The following COX7B2 variants were observed in gnomAD, a reference collection of about 807,000 sequenced individuals.
COX7B2 encodes cytochrome c oxidase subunit 7B2, mitochondrial.
For synonymous variants in COX7B2, 37 were observed against 32.1 expected (o/e 1.15, Z -0.51); for missense variants, 109 against 95.9 (o/e 1.14, Z -0.57).
intron 2 of COX7B2, among the ~76,000 whole-genome samples, chr4:46,769,549 T>C (rs970814263): frequency 1.3e-5 from 2 of 152,038 alleles, no homozygotes; most frequent in Non-Finnish European, 2.9e-5. Context: ...ACCCCGTCTC[T>C]ACTAAAAGTA....
chr4:46,788,393 T>A (rs979349964), intron 2 of COX7B2, among the ~76,000 whole-genome samples: 5 of 152,210 alleles, frequency 3.3e-5, no homozygotes, highest in African/African-American at 9.6e-5. Context: ...GATGACAATG[T>A]GTTCTTGAAA....
intron 2 of COX7B2, among the ~76,000 whole-genome samples, chr4:46,767,307 G>T (rs2109501375): frequency 6.6e-6 from 1 of 152,234 alleles, no homozygotes; most frequent in African/African-American, 2.4e-5. Context: ...TTCATCAGGA[G>T]AATTAACAAT....
At chr4:46,867,002 T>G (rs7671150) in intron 1 of COX7B2, among the ~76,000 whole-genome samples, 58,666 of 151,926 alleles carry the variant, frequency 0.39, 11,437 homozygotes, top group South Asian at 0.49. Flanking sequence ...TTACCTTTCA[T>G]ACAACCTTTA....
intron 2 of COX7B2, among the ~76,000 whole-genome samples, chr4:46,793,379 T>C (rs1447807179): frequency 1.3e-5 from 2 of 152,168 alleles, no homozygotes; most frequent in South Asian, 2.1e-4. Context: ...TTATGATTTA[T>C]GGTCATGCTG....
chr4:46,794,454 T>TA (rs1718216593), intron 2 of COX7B2, among the ~76,000 whole-genome samples: 1 of 152,134 alleles, frequency 6.6e-6, no homozygotes, highest in Admixed American at 6.6e-5. Context: ...ACGGAACTGT[T>TA]AGAGTACAGT....
chr4:46,852,771 A>G (rs1560420506), intron 1 of COX7B2, among the ~76,000 whole-genome samples: 1 of 152,138 alleles, frequency 6.6e-6, no homozygotes. Context: ...GAACAAAGCA[A>G]TGCTTTGCCA....
chr4:46,775,566 C>T (rs76178383), intron 2 of COX7B2, among the ~76,000 whole-genome samples: 2,030 of 152,058 alleles, frequency 0.013, 41 homozygotes, highest in African/African-American at 0.047. Context: ...ATGAATATCC[C>T]CCTCCATTAT....
At chr4:46,888,232 A>G (rs1719200412) in intron 1 of COX7B2, among the ~76,000 whole-genome samples, 1 of 152,196 alleles carries the variant, frequency 6.6e-6, no homozygotes, top group Admixed American at 6.5e-5. Context: ...TTCAGGTAAT[A>G]GATGGTGCAT....
chr4:46,828,623 G>A (rs1055615679), intron 2 of COX7B2, among the ~76,000 whole-genome samples: 2 of 152,026 alleles, frequency 1.3e-5, no homozygotes, highest in Non-Finnish European at 2.9e-5. Flanking sequence ...GGAATTCCAG[G>A]CAATAACGAA....
chr4:46,812,395 A>C (rs1283380210), intron 2 of COX7B2, among the ~76,000 whole-genome samples: 4 of 151,632 alleles, frequency 2.6e-5, no homozygotes, highest in Admixed American at 1.3e-4. Flanking sequence ...AGTCCTACAG[A>C]GGCTCAGGCC....
chr4:46,879,740 A>G (rs187452451), intron 1 of COX7B2, among the ~76,000 whole-genome samples: 50 of 152,082 alleles, frequency 3.3e-4, no homozygotes, highest in African/African-American at 8.4e-4. Flanking sequence ...AAAAAAGCCA[A>G]TTGAGACATA....
intron 1 of COX7B2, among the ~76,000 whole-genome samples, chr4:46,874,048 A>G (rs1718169955): frequency 6.6e-6 from 1 of 152,216 alleles, no homozygotes; most frequent in Non-Finnish European, 1.5e-5. Flanking sequence ...GACCCTATGC[A>G]GAAAAATCTA....
intron 1 of COX7B2, among the ~76,000 whole-genome samples, chr4:46,863,993 G>A (rs367914238): frequency 2.0e-5 from 3 of 152,228 alleles, no homozygotes; most frequent in African/African-American, 4.8e-5. Flanking sequence ...AACAGGGGCC[G>A]GACATGCCTC....
intron 1 of COX7B2, among the ~76,000 whole-genome samples, chr4:46,893,563 G>A (rs1425749145): frequency 6.6e-6 from 1 of 152,082 alleles, no homozygotes; most frequent in African/African-American, 2.4e-5. Flanking sequence ...AATAGCTGTG[G>A]CAGCTATTGC....
intron 2 of COX7B2, among the ~76,000 whole-genome samples, chr4:46,798,448 C>T (rs533202216): frequency 5.9e-5 from 9 of 152,190 alleles, no homozygotes; most frequent in Non-Finnish European, 1.0e-4. Flanking sequence ...TATTTCACTT[C>T]GGCCATATAA....
At chr4:46,860,775 C>T (rs553568270) in intron 1 of COX7B2, among the ~76,000 whole-genome samples, 1 of 152,258 alleles carries the variant, frequency 6.6e-6, no homozygotes, top group South Asian at 2.1e-4. Flanking sequence ...TGCTTTTACT[C>T]CCTGCCAACT....
chr4:46,797,841 G>A (rs181558544), intron 2 of COX7B2, among the ~76,000 whole-genome samples: 23 of 152,302 alleles, frequency 1.5e-4, no homozygotes, highest in African/African-American at 4.6e-4. Context: ...TCCTCTGGTA[G>A]CTGGTATGAA....
intron 2 of COX7B2, among the ~76,000 whole-genome samples, chr4:46,816,428 T>C (rs1719554019): frequency 6.6e-6 from 1 of 152,194 alleles, no homozygotes; most frequent in African/African-American, 2.4e-5. Flanking sequence ...TCCTTAAACC[T>C]GAACTGAAGT....
chr4:46,780,641 G>A (rs1717398703), intron 2 of COX7B2, among the ~76,000 whole-genome samples: 1 of 152,186 alleles, frequency 6.6e-6, no homozygotes, highest in Admixed American at 6.5e-5. Context: ...TTAAATGATT[G>A]GATATGTGAT....
Sources: allele counts gnomAD v4.1 joint callset (sites outside exome capture counted in the v4.1 genomes callset), GRCh38; gene constraint gnomAD v4.1.1; transcripts MANE v1.5; gene names NCBI Gene and HGNC (gene_info 2026-07-23, HGNC 2026-07-21).